SVOP: variants seen among roughly 807,000 people sequenced by gnomAD.
SVOP encodes SV2 related protein.
In SVOP, 17 loss-of-function variants were observed where a neutral mutation model predicts 69.1. The observed-to-expected ratio is 0.25, with a 90% CI of 0.17 to 0.37. SVOP has a LOEUF of 0.37. Ranked by LOEUF, SVOP falls within the 10% of genes least tolerant of loss-of-function variation. The pLI, the probability that SVOP is intolerant of heterozygous loss-of-function variation, is 1.00. For synonymous variants in SVOP, 238 were observed against 238.6 expected (o/e 1.00, Z 0.02); for missense variants, 435 against 597.5 (o/e 0.73, Z 2.84).
At chr12:108,952,937 G>A (rs989461114) in intron 6 of SVOP, among the ~76,000 whole-genome samples, 3 of 152,022 alleles carry the variant, frequency 2.0e-5, no homozygotes, top group African/African-American at 4.8e-5. Context: ...TCTGTCATAC[G>A]GGGATAAAAC....
Position 109,020,919 on chromosome 12 carries a change from G to C in SVOP, c.-51C>G, listed in dbSNP as rs986805537. The C allele has an allele frequency of 1.4e-6, 1 of 708,466 alleles. No individual in the cohort carries two copies. Among genetic ancestry groups the C allele is most frequent in the East Asian group, 2.8e-5 (1 of 36,334 alleles). The allele number at this position is 708,466 out of a possible 1,614,324, so 43.9% of individuals were successfully genotyped here. On this transcript the variant is annotated 5_prime_UTR_variant, in exon 1 of 16. Transcript: ENST00000610966. ...TTCTCATGGCCCTTACATGGTAGTGGTGGATGACGAGCCCTCCGGTTTTCA... is the reference window on the plus strand; with the variant it reads ...TTCTCATGGCCCTTACATGGTAGTGCTGGATGACGAGCCCTCCGGTTTTCA...
chr12:108,951,243 T>C (rs559219366), intron 6 of SVOP, among the ~76,000 whole-genome samples: 31 of 152,314 alleles, frequency 2.0e-4, no homozygotes, highest in African/African-American at 6.5e-4. Flanking sequence ...AAAACACAAG[T>C]AGGGCGTGGG....
At chr12:108,977,326 G>C in intron 4 of SVOP, 72 bp downstream of exon 4, 2 of 1,491,062 alleles carry the variant, frequency 1.3e-6, no homozygotes, top group East Asian at 2.5e-5. Context: ...AGCAGGAGAA[G>C]GGAGATATCC....
At chr12:108,979,801 C>T (rs2040126747) in intron 2 of SVOP, among the ~76,000 whole-genome samples, 1 of 150,854 alleles carries the variant, frequency 6.6e-6, no homozygotes, top group Non-Finnish European at 1.5e-5. Flanking sequence ...TGAATGCTTT[C>T]CAAATAAACA....
chr12:109,001,104 T>A (rs1593205768), intron 1 of SVOP, among the ~76,000 whole-genome samples: 1 of 149,010 alleles, frequency 6.7e-6, no homozygotes, highest in East Asian at 2.0e-4. Flanking sequence ...GATAAGCAAC[T>A]TCAGCAAAGT....
chr12:108,992,241 TA>T (rs369631785), intron 1 of SVOP, among the ~76,000 whole-genome samples: 8,190 of 145,460 alleles, frequency 0.056, 713 homozygotes, highest in Admixed American at 0.24. Context: ...ACATCACTGT[TA>T]AAAAAAAAAA....
intron 1 of SVOP, among the ~76,000 whole-genome samples, chr12:109,012,136 A>T (rs961391534): frequency 2.0e-5 from 3 of 152,126 alleles, no homozygotes; most frequent in African/African-American, 7.2e-5. Context: ...TACAAAAATT[A>T]GCCGAGTGCA....
chr12:108,921,500 C>T (rs1340481952), intron 12 of SVOP, among the ~76,000 whole-genome samples: 1 of 152,108 alleles, frequency 6.6e-6, no homozygotes, highest in Non-Finnish European at 1.5e-5. Flanking sequence ...GGGTATCAAG[C>T]AGTTGCCCAC....
Position 108,945,131 on chromosome 12 carries a change from G to T in SVOP, c.614C>A (p.Ala205Asp), listed in dbSNP as rs2039915147. ...AATCAGCAAAATACATTTAGCTCTG[G>T]CTTTCATGGGAAGGAACTCGGCATA... Reference protein sequence around the residue: ...TLYAEFLPMKARAKCILLIEV... With the variant: ...TLYAEFLPMKDRAKCILLIEV... Residue 205 changes from alanine (A) to aspartate (D), a missense_variant, in exon 7 of 16, where the codon GCC becomes GAC. Coordinates refer to ENST00000610966, the MANE Select transcript of SVOP (RefSeq NM_018711.5). The T allele has an allele frequency of 1.3e-6, 2 of 1,537,050 alleles. No individual in the cohort carries two copies. Among genetic ancestry groups the T allele is most frequent in the Non-Finnish European group, 1.7e-6 (2 of 1,146,834 alleles).
At chr12:108,965,636 T>C (rs951721800) in intron 5 of SVOP, among the ~76,000 whole-genome samples, 2 of 68,618 alleles carry the variant, frequency 2.9e-5, no homozygotes, top group African/African-American at 6.4e-5. Flanking sequence ...GCAGGATAAA[T>C]AAAACACATC....
rs370483503 is a variant in SVOP, at chr12:108,996,472, C to T, written c.36-12711G>A. Among the ~76,000 whole-genome samples, 6 of 152,066 alleles carry T rather than the reference C, an allele frequency of 3.9e-5. No individual in the cohort carries two copies. The South Asian group carries it at 1.0e-3, about 26-fold the overall frequency. ...ATTCAGGAGGCTGAGGCAAGAGAAT[C>T]GCTTGAACCCAGGAGAAATAGGTTG... On this transcript the variant is annotated intron_variant, in intron 1 of 15. Coordinates refer to ENST00000610966, the MANE Select transcript of SVOP (RefSeq NM_018711.5).
chr12:108,986,054 C>G (rs2040164171), intron 1 of SVOP, among the ~76,000 whole-genome samples: 1 of 152,132 alleles, frequency 6.6e-6, no homozygotes, highest in Non-Finnish European at 1.5e-5. Flanking sequence ...AATGCAGGGC[C>G]CAGCACAGGG....
At chr12:108,924,920 T>C (rs1187601252) in intron 11 of SVOP, among the ~76,000 whole-genome samples, 1 of 152,180 alleles carries the variant, frequency 6.6e-6, no homozygotes, top group African/African-American at 2.4e-5. Flanking sequence ...TGCCCTTGAT[T>C]ATAAATCTTT....
chr12:108,969,895 G>C (rs959508788), intron 5 of SVOP, among the ~76,000 whole-genome samples: 2 of 152,078 alleles, frequency 1.3e-5, no homozygotes, highest in South Asian at 2.1e-4. Flanking sequence ...GGGTTAACAG[G>C]GGGGTAATAA....
chr12:108,914,731 A>AT (rs902794699), intron 15 of SVOP, among the ~76,000 whole-genome samples: 3 of 151,640 alleles, frequency 2.0e-5, no homozygotes, highest in African/African-American at 7.3e-5. Context: ...TAATTTTTGT[A>AT]TTTTTAGTAG....
At chr12:108,995,441 C>A (rs2040225933) in intron 1 of SVOP, among the ~76,000 whole-genome samples, 1 of 151,964 alleles carries the variant, frequency 6.6e-6, no homozygotes, top group Non-Finnish European at 1.5e-5. Flanking sequence ...GTGAGGGGAC[C>A]TAGAACACTT....
chr12:108,991,433 C>T (rs1759986890), intron 1 of SVOP, among the ~76,000 whole-genome samples: 1 of 148,700 alleles, frequency 6.7e-6, no homozygotes, highest in South Asian at 2.2e-4. Context: ...GACCCCATCT[C>T]GGGTTTTGCT....
At chr12:109,009,108 CGA>C (rs2040326900) in intron 1 of SVOP, among the ~76,000 whole-genome samples, 1 of 150,612 alleles carries the variant, frequency 6.6e-6, no homozygotes, top group African/African-American at 2.4e-5. Flanking sequence ...ATTACAGGCG[CGA>C]GCCACAACGC....
chr12:108,961,126 G>A (rs927587123), intron 5 of SVOP, 79 bp from the exon 6 acceptor site: 12 of 1,455,218 alleles, frequency 8.2e-6, no homozygotes, highest in Middle Eastern at 1.8e-4. Flanking sequence ...GAGAGCCGCC[G>A]ATAATGGGGT....
Sources: allele counts gnomAD v4.1 joint callset (sites outside exome capture counted in the v4.1 genomes callset), GRCh38; gene constraint gnomAD v4.1.1; transcripts MANE v1.5; gene names NCBI Gene and HGNC (gene_info 2026-07-23, HGNC 2026-07-21).